The following POU2F1 variants were observed in gnomAD, a reference collection of about 807,000 sequenced individuals.
POU2F1 encodes POU class 2 homeobox 1, also known as POU domain, class 2, transcription factor 1.
POU2F1 carries 16 observed loss-of-function variants against 84.9 expected under a neutral mutation model. The observed-to-expected ratio is 0.19, with a 90% CI of 0.13 to 0.29. The LOEUF (loss-of-function observed/expected upper bound fraction) is 0.29. Ranked by LOEUF, POU2F1 falls within the 10% of genes least tolerant of loss-of-function variation. POU2F1 has a pLI of 1.00. For synonymous variants in POU2F1, 368 were observed against 368.3 expected (o/e 1.00, Z 0.01); for missense variants, 738 against 942.6 (o/e 0.78, Z 2.84).
chr1:167,337,581 AC>A (rs943145815), intron 2 of POU2F1, among the ~76,000 whole-genome samples: 1 of 151,942 alleles, frequency 6.6e-6, no homozygotes, highest in Non-Finnish European at 1.5e-5. Flanking sequence ...GAGGCAGCAG[AC>A]CTCAAGTTCT....
At chr1:167,303,248 C>G (rs1654842375) in intron 1 of POU2F1, among the ~76,000 whole-genome samples, 2 of 151,962 alleles carry the variant, frequency 1.3e-5, no homozygotes, top group South Asian at 4.1e-4. Flanking sequence ...ATTCAAAGAA[C>G]TTTCTGATTT....
intron 1 of POU2F1, among the ~76,000 whole-genome samples, chr1:167,284,158 C>T (rs1315217948): frequency 6.6e-6 from 1 of 152,114 alleles, no homozygotes; most frequent in African/African-American, 2.4e-5. Flanking sequence ...TTTCTGTCTG[C>T]TCTAAACAGT....
rs1412075690 is a variant in POU2F1 at position 167,421,978 on chromosome 1, T to G, written c.*6168T>G. ...AACATTGCTCGTGTGTGTGTTTGTTTTTTCTTATATCTGTCTTGCCAAAGG... is the reference window on the plus strand; with the variant it reads ...AACATTGCTCGTGTGTGTGTTTGTTGTTTCTTATATCTGTCTTGCCAAAGG... On this transcript the variant is annotated 3_prime_UTR_variant, in exon 16 of 16. Coordinates refer to ENST00000367866, the MANE Select transcript of POU2F1 (RefSeq NM_002697.4). 2 of 152,178 alleles carry G rather than the reference T, an allele frequency of 1.3e-5. No homozygotes were observed. Among genetic ancestry groups the G allele is most frequent in the Non-Finnish European group, 2.9e-5 (2 of 68,046 alleles). The allele number at this position is 152,178 out of a possible 1,614,324, so 9.4% of individuals were successfully genotyped here. A position where few individuals can be genotyped will look rare whatever the true frequency, so the allele number is the denominator to read the frequency against.
At chr1:167,378,711 G>T (rs1034168485) in intron 7 of POU2F1, among the ~76,000 whole-genome samples, 1 of 151,580 alleles carries the variant, frequency 6.6e-6, no homozygotes, top group South Asian at 2.1e-4. Flanking sequence ...AGGCCTTTTT[G>T]TTTTTTTGTG....
At chr1:167,297,397 T>C (rs1317895688) in intron 1 of POU2F1, among the ~76,000 whole-genome samples, 1 of 152,238 alleles carries the variant, frequency 6.6e-6, no homozygotes, top group African/African-American at 2.4e-5. Context: ...GTTTGGACTC[T>C]GCACTTCTGT....
chr1:167,298,051 G>A (rs1376394126), intron 1 of POU2F1, among the ~76,000 whole-genome samples: 3 of 151,998 alleles, frequency 2.0e-5, no homozygotes, highest in Non-Finnish European at 4.4e-5. Context: ...GCTTGAACCT[G>A]GGAGGCAGAG....
At chr1:167,242,266 G>C (rs1010806562) in intron 1 of POU2F1, among the ~76,000 whole-genome samples, 2 of 152,194 alleles carry the variant, frequency 1.3e-5, no homozygotes, top group Admixed American at 1.3e-4. Flanking sequence ...GGCCTGTTTA[G>C]TGACAGTCAA....
At position 167,391,888 on chromosome 1, in the gene POU2F1, T is replaced by C. The variant is rs78954176; in HGVS notation, c.987+2127T>C. ...CTTATATTTCTTTGGGAATTCATTTTTGCTCAAAGAAATCAATTGTGTTGG... is the reference window on the plus strand; with the variant it reads ...CTTATATTTCTTTGGGAATTCATTTCTGCTCAAAGAAATCAATTGTGTTGG... On this transcript the variant is annotated intron_variant, in intron 9 of 15. Coordinates refer to ENST00000367866, the MANE Select transcript of POU2F1 (RefSeq NM_002697.4). Among the ~76,000 whole-genome samples, 219 of 152,278 alleles carry C rather than the reference T, an allele frequency of 1.4e-3. 4 individuals are homozygous for C. The East Asian group carries it at 0.035, about 24-fold the overall frequency.
intron 2 of POU2F1, among the ~76,000 whole-genome samples, chr1:167,348,254 A>C (rs933965792): frequency 3.3e-5 from 5 of 152,218 alleles, no homozygotes; most frequent in Non-Finnish European, 7.3e-5. Flanking sequence ...GTGTATCTAA[A>C]CATAGAAAAG....
At chr1:167,223,439 T>TGTGTGA (rs200163263) in intron 1 of POU2F1, among the ~76,000 whole-genome samples, 2,119 of 152,154 alleles carry the variant, frequency 0.014, 47 homozygotes, top group African/African-American at 0.048. Flanking sequence ...TGTAGGGGTG[T>TGTGTGA]GTGTGAGTGT....
intron 1 of POU2F1, among the ~76,000 whole-genome samples, chr1:167,221,700 A>G (rs1648204735): frequency 6.6e-6 from 1 of 150,526 alleles, no homozygotes; most frequent in Non-Finnish European, 1.5e-5. Flanking sequence ...ACTGGTCCCC[A>G]ATGTGGTGGC....
rs1571468222 is a variant in POU2F1, at chr1:167,411,970, A to C, written c.1567A>C (p.Thr523Pro). ...GTTTGTCTTTTCAGGCACTTCAGAC[A>C]CCACCTCCAACAACACAGCAACCGT... The part of the protein sequence containing the change: ...TNLSVTGTSD[T>P]TSNNTATVIS... The change falls in exon 14 of 16, where the codon ACC becomes CCC. Residue 523 changes from threonine (T) to proline (P), a missense_variant. Transcript: ENST00000367866. The C allele has an allele frequency of 6.2e-7, 1 of 1,612,110 alleles. No homozygotes were observed. The highest frequency in any genetic ancestry group is 8.5e-7 in the Non-Finnish European group (1 of 1,178,534).
At chr1:167,266,278 A>G (rs185220157) in intron 1 of POU2F1, among the ~76,000 whole-genome samples, 148 of 152,298 alleles carry the variant, frequency 9.7e-4, no homozygotes, top group African/African-American at 3.2e-3. Flanking sequence ...ATGGTACCAA[A>G]TTATCTTCCG....
intron 2 of POU2F1, among the ~76,000 whole-genome samples, chr1:167,364,966 A>T (rs1379655755): frequency 6.6e-6 from 1 of 152,184 alleles, no homozygotes; most frequent in East Asian, 1.9e-4. Flanking sequence ...TAGTACAGCT[A>T]TTGTTTTCTT....
intron 1 of POU2F1, among the ~76,000 whole-genome samples, chr1:167,228,202 T>G (rs1648783124): frequency 6.6e-6 from 1 of 152,134 alleles, no homozygotes; most frequent in South Asian, 2.1e-4. Flanking sequence ...TGAGGAAGCA[T>G]TTGTTCTATC....
At position 167,386,121 on chromosome 1, in the gene POU2F1, A is replaced by G. The variant is rs116446961; in HGVS notation, c.813+2170A>G. ...GTGTTGGCAAGAAGGTAAAGCGACT[A>G]GAGTTCTCATACATTGCTTAGTGGT... On this transcript the variant is annotated intron_variant, in intron 8 of 15. Transcript: ENST00000367866. Among the ~76,000 whole-genome samples, 457 of 152,320 alleles carry G rather than the reference A, an allele frequency of 3.0e-3. 2 individuals are homozygous for G. Among genetic ancestry groups the G allele is most frequent in the African/African-American group, 0.01 (429 of 41,566 alleles).
chr1:167,229,382 G>T (rs1648889915), intron 1 of POU2F1, among the ~76,000 whole-genome samples: 1 of 152,028 alleles, frequency 6.6e-6, no homozygotes, highest in Non-Finnish European at 1.5e-5. Flanking sequence ...ATGTTTGGGT[G>T]GGTCTTATTG....
intron 1 of POU2F1, among the ~76,000 whole-genome samples, chr1:167,280,574 G>A (rs1302571126): frequency 6.6e-6 from 1 of 152,122 alleles, no homozygotes; most frequent in African/African-American, 2.4e-5. Flanking sequence ...GCAACACTGG[G>A]CTTTTACATG....
chr1:167,292,533 C>T (rs1654002189), intron 1 of POU2F1, among the ~76,000 whole-genome samples: 1 of 149,432 alleles, frequency 6.7e-6, no homozygotes, highest in South Asian at 2.1e-4. Flanking sequence ...CAGATGGATT[C>T]ACAGCTGAAT....
Sources: allele counts gnomAD v4.1 joint callset (sites outside exome capture counted in the v4.1 genomes callset), GRCh38; gene constraint gnomAD v4.1.1; transcripts MANE v1.5; gene names NCBI Gene and HGNC (gene_info 2026-07-23, HGNC 2026-07-21).